Variants in MTCL1 observed in about 807,000 individuals in gnomAD.
The protein encoded by MTCL1 is microtubule cross-linking factor 1.
A neutral mutation model predicts 141.4 loss-of-function variants in MTCL1; 79 were observed. The ratio of observed to expected loss-of-function variants is 0.56; its 90% CI spans 0.47 to 0.67. The LOEUF (loss-of-function observed/expected upper bound fraction) is 0.67. Among genes scored for constraint, MTCL1 ranks in the 30% least tolerant of loss-of-function variants. The pLI is 0.00. For synonymous variants in MTCL1, 914 were observed against 875.8 expected (o/e 1.04, Z -0.77); for missense variants, 2,177 against 2,113.9 (o/e 1.03, Z -0.59).
At position 8,784,207 on chromosome 18, in the gene MTCL1, C is replaced by T. The variant is rs771136582; in HGVS notation, c.1095C>T (p.Asn365=). 3.1e-6 allele frequency: 5 copies of T among 1,612,740 alleles called. No homozygotes were observed. The South Asian group carries it at 5.5e-5, about 18-fold the overall frequency. ...ACGAGAACCACGCGCTGCTGTCCAA[C>T]ATCCAGCGCTGCGACCTGGCAGCCC... Residue 365 remains asparagine (N), a synonymous_variant, in exon 6 of 17, where the codon AAC becomes AAT. Transcript: ENST00000359865.
intron 4 of MTCL1, among the ~76,000 whole-genome samples, chr18:8,747,719 A>G (rs1419313285): frequency 6.6e-6 from 1 of 152,218 alleles, no homozygotes; most frequent in African/African-American, 2.4e-5. Context: ...TCAGCCCACA[A>G]CATACAGGAA....
upstream of MTCL1, among the ~76,000 whole-genome samples, chr18:8,716,409 G>T (rs988893989): frequency 2.0e-5 from 3 of 152,114 alleles, no homozygotes; most frequent in African/African-American, 7.2e-5. Flanking sequence ...GCCCTTTCCA[G>T]TAGACCATTG....
In MTCL1 at chr18:8,821,459, C is replaced by T. The variant is rs1427205935; in HGVS notation, c.3157-8C>T. 6.9e-7 allele frequency: 1 copy of T among 1,444,386 alleles called. No individual in the cohort carries two copies. The highest frequency in any genetic ancestry group is 9.6e-7 in the Non-Finnish European group (1 of 1,037,072). 89.5% of individuals were successfully genotyped at this position (1,444,386 alleles called of 1,614,324 possible). On this transcript the variant is annotated splice_region_variant and splice_polypyrimidine_tract_variant and intron_variant, in intron 13 of 16. Transcript: ENST00000359865. ...ACCGATTCAGATGAAGTTATTTCTT[C>T]TTTATAGGAAGAAGAAAATCACAAA... is the stretch of plus-strand genomic sequence containing the variant.
At chr18:8,754,096 G>A (rs901079800) in intron 4 of MTCL1, among the ~76,000 whole-genome samples, 1 of 151,970 alleles carries the variant, frequency 6.6e-6, no homozygotes. Flanking sequence ...TTTGAGACAC[G>A]GTCTTGTTCT....
intron 12 of MTCL1, among the ~76,000 whole-genome samples, chr18:8,818,273 C>T (rs890736972): frequency 4.1e-5 from 6 of 145,572 alleles, no homozygotes; most frequent in Non-Finnish European, 9.1e-5. Flanking sequence ...CCAGGTGGCC[C>T]TGTGCTTGCC....
At chr18:8,749,729 C>T (rs1567975294) in intron 4 of MTCL1, among the ~76,000 whole-genome samples, 2 of 152,180 alleles carry the variant, frequency 1.3e-5, no homozygotes, top group Non-Finnish European at 2.9e-5. Flanking sequence ...TGGACCCCAG[C>T]GAACAGGGCT....
chr18:8,715,980 A>G (rs1215884571), upstream of MTCL1, among the ~76,000 whole-genome samples: 1 of 152,190 alleles, frequency 6.6e-6, no homozygotes, highest in African/African-American at 2.4e-5. Flanking sequence ...ATCAGCTCCT[A>G]TGCTCAGTCC....
intron 4 of MTCL1, among the ~76,000 whole-genome samples, chr18:8,727,139 T>C (rs1269652966): frequency 1.3e-5 from 2 of 152,222 alleles, no homozygotes; most frequent in East Asian, 3.8e-4. Flanking sequence ...GTTTCATTCT[T>C]TTTTATTGCT....
chr18:8,774,098 A>G (rs772927552), intron 4 of MTCL1, among the ~76,000 whole-genome samples: 1 of 152,338 alleles, frequency 6.6e-6, no homozygotes, highest in East Asian at 1.9e-4. Flanking sequence ...ACAGTGATAA[A>G]TGAAGCTGTA....
intron 4 of MTCL1, among the ~76,000 whole-genome samples, chr18:8,746,680 G>T (rs2096340265): frequency 6.6e-6 from 1 of 152,188 alleles, no homozygotes; most frequent in South Asian, 2.1e-4. Context: ...AGGGGCCCCT[G>T]CACTGCTCCC....
chr18:8,805,133 AG>A (rs1174564317), intron 10 of MTCL1, among the ~76,000 whole-genome samples: 1 of 149,238 alleles, frequency 6.7e-6, no homozygotes, highest in African/African-American at 2.5e-5. Flanking sequence ...TTTTAGGTTC[AG>A]GGGGTACATG....
chr18:8,728,889 C>G (rs1370198090), intron 4 of MTCL1, among the ~76,000 whole-genome samples: 1 of 151,866 alleles, frequency 6.6e-6, no homozygotes, highest in Non-Finnish European at 1.5e-5. Flanking sequence ...TGCACGCCAC[C>G]ATGCCCAGCT....
chr18:8,761,865 CAT>C (rs1256645551), intron 4 of MTCL1, among the ~76,000 whole-genome samples: 3 of 152,204 alleles, frequency 2.0e-5, no homozygotes, highest in African/African-American at 4.8e-5. Context: ...CCTCCCACAA[CAT>C]GTGGGAATTT....
exon 7 of MTCL1, chr18:8,786,033 G>C (rs202096044): frequency 1.2e-6 from 2 of 1,605,346 alleles, no homozygotes; most frequent in African/African-American, 1.3e-5. Flanking sequence ...CTGCACCGCC[G>C]CGCAGACGGG....
At chr18:8,712,775 A>C (rs575122763), upstream of MTCL1, among the ~76,000 whole-genome samples, 404 of 152,242 alleles carry the variant, frequency 2.7e-3, 2 homozygotes, top group South Asian at 8.1e-3. Flanking sequence ...CCTTGTCTGG[A>C]GGGAAATGAG....
intron 14 of MTCL1, among the ~76,000 whole-genome samples, chr18:8,821,847 C>T (rs528547607): frequency 3.0e-4 from 45 of 152,266 alleles, no homozygotes; most frequent in African/African-American, 9.4e-4. Context: ...CTTTTGTATG[C>T]TGTGAGATGC....
chr18:8,809,390 G>A, intron 11 of MTCL1: 1 of 1,515,638 alleles, frequency 6.6e-7, no homozygotes, highest in South Asian at 1.2e-5. Context: ...CTTTTTGAAA[G>A]GAAGTATGGA....
chr18:8,711,065 G>C (rs2096088685), intron 1 of MTCL1, among the ~76,000 whole-genome samples: 1 of 151,596 alleles, frequency 6.6e-6, no homozygotes, highest in East Asian at 1.9e-4. Flanking sequence ...ACAGTCCCCA[G>C]AGTGTGATAT....
At chr18:8,756,397 GTATA>G (rs1321228607) in intron 4 of MTCL1, among the ~76,000 whole-genome samples, 5 of 150,246 alleles carry the variant, frequency 3.3e-5, no homozygotes, top group East Asian at 1.9e-4. Flanking sequence ...GTGTATATAT[GTATA>G]TATGTGTGTA....
Sources: allele counts gnomAD v4.1 joint callset (sites outside exome capture counted in the v4.1 genomes callset), GRCh38; gene constraint gnomAD v4.1.1; transcripts MANE v1.5; gene names NCBI Gene and HGNC (gene_info 2026-07-23, HGNC 2026-07-21).